ZMIZ1: variants seen among roughly 807,000 people sequenced by gnomAD.
ZMIZ1 encodes the protein zinc finger MIZ-type containing 1.
ZMIZ1 carries 17 observed loss-of-function variants against 113.9 expected under a neutral mutation model. That is an observed-to-expected ratio of 0.15 (90% confidence interval 0.10 to 0.22). The LOEUF is 0.22. ZMIZ1 is among the 10% of genes least tolerant of loss of function. The pLI is 1.00. For missense variants in ZMIZ1, 1,059 were observed against 1,477.8 expected, an observed-to-expected ratio of 0.72 and a Z score of 4.65; for synonymous variants, 607 against 603.1, an observed-to-expected ratio of 1.01 and a Z score of -0.09.
intron 1 of ZMIZ1, among the ~76,000 whole-genome samples, chr10:79,107,496 T>G (rs570453142): frequency 2.0e-5 from 3 of 152,286 alleles, no homozygotes; most frequent in African/African-American, 7.2e-5. Flanking sequence ...GGTGGATTGA[T>G]CAGAGTTGCT....
chr10:79,311,566 C>T (rs372200302), intron 24 of ZMIZ1, among the ~76,000 whole-genome samples: 3 of 152,070 alleles, frequency 2.0e-5, no homozygotes, highest in African/African-American at 7.2e-5. Context: ...AGGGAGAGGC[C>T]GTCTGTCTGC....
At chr10:79,208,744 T>C (rs1163919522) in intron 6 of ZMIZ1, among the ~76,000 whole-genome samples, 1 of 152,214 alleles carries the variant, frequency 6.6e-6, no homozygotes, top group Non-Finnish European at 1.5e-5. Context: ...ATAAGCACAG[T>C]AGAGAAACTC....
chr10:79,145,581 C>T (rs536599589), intron 3 of ZMIZ1, among the ~76,000 whole-genome samples: 10 of 152,298 alleles, frequency 6.6e-5, no homozygotes, highest in South Asian at 4.1e-4. Context: ...AAGCCCTTCC[C>T]GAGGCTTCAT....
chr10:79,101,056 G>A (rs1001433922), intron 1 of ZMIZ1, among the ~76,000 whole-genome samples: 19 of 152,314 alleles, frequency 1.2e-4, no homozygotes, highest in Admixed American at 5.2e-4. Flanking sequence ...GCAGACTGCC[G>A]AATCTTGAAG....
chr10:79,198,740 A>T (rs747160123), intron 4 of ZMIZ1, among the ~76,000 whole-genome samples: 3 of 152,252 alleles, frequency 2.0e-5, no homozygotes, highest in Non-Finnish European at 4.4e-5. Flanking sequence ...CACTGCAATG[A>T]TAAAAATTTG....
At chr10:79,109,596 G>C (rs949854169) in intron 1 of ZMIZ1, among the ~76,000 whole-genome samples, 1 of 152,148 alleles carries the variant, frequency 6.6e-6, no homozygotes, top group Non-Finnish European at 1.5e-5. Flanking sequence ...CCCCACACTG[G>C]GTTCCTGATC....
intron 4 of ZMIZ1, among the ~76,000 whole-genome samples, chr10:79,178,754 A>T (rs1289282417): frequency 2.0e-5 from 3 of 152,066 alleles, no homozygotes. Flanking sequence ...AGAGAGGGCC[A>T]CTGGTCTCCA....
chr10:79,284,393 G>A (rs970311530), intron 8 of ZMIZ1, among the ~76,000 whole-genome samples: 13 of 152,148 alleles, frequency 8.5e-5, no homozygotes, highest in Non-Finnish European at 1.3e-4. Flanking sequence ...GTGAAGGGAA[G>A]GCAGAAGAAA....
intron 6 of ZMIZ1, among the ~76,000 whole-genome samples, chr10:79,213,838 G>A (rs1033892842): frequency 1.3e-5 from 2 of 152,192 alleles, no homozygotes; most frequent in Non-Finnish European, 2.9e-5. Context: ...TTCCTCATCT[G>A]TAAATCAGAG....
At chr10:79,075,154 G>C (rs780359730) in intron 1 of ZMIZ1, among the ~76,000 whole-genome samples, 16 of 152,314 alleles carry the variant, frequency 1.1e-4, no homozygotes, top group Non-Finnish European at 1.8e-4. Context: ...TGCCTTCTTA[G>C]GTCTTGAGGA....
At chr10:79,309,914 T>C (rs538257026) in intron 23 of ZMIZ1, among the ~76,000 whole-genome samples, 3 of 152,296 alleles carry the variant, frequency 2.0e-5, no homozygotes, top group African/African-American at 7.2e-5. Flanking sequence ...TCAGGGATGC[T>C]TGCAGTGGGA....
intron 3 of ZMIZ1, among the ~76,000 whole-genome samples, chr10:79,159,006 T>C (rs529259082): frequency 7.2e-5 from 11 of 152,336 alleles, no homozygotes; most frequent in South Asian, 2.1e-4. Flanking sequence ...AGTGAGAAGC[T>C]GCCGTGTGGT....
chr10:79,297,864 C>T (rs1854009517), intron 14 of ZMIZ1, among the ~76,000 whole-genome samples, 174 bp downstream of exon 14: 1 of 152,096 alleles, frequency 6.6e-6, no homozygotes. Flanking sequence ...ATCCACGGCT[C>T]CAGGTGGGGT....
chr10:79,305,868 C>A (rs531305895), intron 21 of ZMIZ1, among the ~76,000 whole-genome samples: 107 of 152,308 alleles, frequency 7.0e-4, no homozygotes, highest in Non-Finnish European at 5.0e-4. Flanking sequence ...ACGAGGGAGC[C>A]CTTGAGGCCA....
chr10:79,073,839 G>A (rs970799553), intron 1 of ZMIZ1, among the ~76,000 whole-genome samples: 3 of 57,676 alleles, frequency 5.2e-5, no homozygotes, highest in African/African-American at 1.1e-4. Context: ...GGGTTGGGTC[G>A]GGCCCGGCAT....
chr10:79,172,470 G>T (rs1198082022), intron 4 of ZMIZ1, among the ~76,000 whole-genome samples: 3 of 152,186 alleles, frequency 2.0e-5, no homozygotes, highest in Non-Finnish European at 4.4e-5. Context: ...TCAGCAGCCA[G>T]GGCATCATTT....
At chr10:79,123,123 C>T (rs1309744437) in intron 2 of ZMIZ1, among the ~76,000 whole-genome samples, 1 of 152,342 alleles carries the variant, frequency 6.6e-6, no homozygotes, top group East Asian at 1.9e-4. Flanking sequence ...TGGGCTGCAA[C>T]CGCAGGCAAA....
Position 79,191,373 on chromosome 10 carries a change from C to CGG in ZMIZ1, c.-49-10204_-49-10203dup, listed in dbSNP as rs34204798. Among the ~76,000 whole-genome samples the CGG allele has an allele frequency of 6.9e-3, 1,037 of 151,182 alleles. 4 individuals are homozygous for CGG. Among genetic ancestry groups the CGG allele is most frequent in the Admixed American group, 0.011 (167 of 15,204 alleles). On this transcript the variant is annotated intron_variant, in intron 4 of 24. Transcript: ENST00000334512. Reference sequence around the variant, plus strand: ...CTTCTAGAGGGCACCAGCTGGTGGTCGGGGGGGGTCCTGCCTCTGTCTACA... The same window carrying CGG: ...CTTCTAGAGGGCACCAGCTGGTGGTCGGGGGGGGGGTCCTGCCTCTGTCTACA...
intron 1 of ZMIZ1, among the ~76,000 whole-genome samples, chr10:79,102,043 G>C (rs1235588949): frequency 3.3e-5 from 5 of 152,186 alleles, no homozygotes; most frequent in African/African-American, 9.7e-5. Context: ...CACCTTCTCT[G>C]TAACTCTGGC....
Sources: allele counts gnomAD v4.1 joint callset (sites outside exome capture counted in the v4.1 genomes callset), GRCh38; gene constraint gnomAD v4.1.1; transcripts MANE v1.5; gene names NCBI Gene and HGNC (gene_info 2026-07-23, HGNC 2026-07-21).